Variants in DNAH6 observed in about 807,000 individuals in gnomAD.
DNAH6 encodes axonemal beta dynein heavy chain 6.
Under a neutral mutation model 491.4 loss-of-function variants are expected in DNAH6, and 340 were observed. The observed-to-expected ratio is 0.69, with a 90% CI of 0.63 to 0.76. The LOEUF (loss-of-function observed/expected upper bound fraction) is 0.76, where lower values mean the gene tolerates loss of function less well. DNAH6 is among the 30% of genes least tolerant of loss of function. The pLI, the probability that DNAH6 is intolerant of heterozygous loss-of-function variation, is 0.00. For missense variants in DNAH6, 4,443 were observed against 4,972.2 expected (o/e 0.89, Z 3.20); for synonymous variants, 1,603 against 1,686.1 (o/e 0.95, Z 1.21).
intron 61 of DNAH6, 119 bp downstream of exon 61, chr2:84,728,021 T>G: frequency 1.5e-6 from 1 of 670,780 alleles, no homozygotes. Flanking sequence ...TGGTGGGAGA[T>G]TACTGAATCA....
At chr2:84,669,086 A>G (rs1210783668) in intron 37 of DNAH6, among the ~76,000 whole-genome samples, 1 of 152,198 alleles carries the variant, frequency 6.6e-6, no homozygotes, top group Non-Finnish European at 1.5e-5. Context: ...TCGGTATAAC[A>G]GATATTTCCA....
intron 41 of DNAH6, among the ~76,000 whole-genome samples, chr2:84,677,622 C>T (rs1693375390): frequency 6.6e-6 from 1 of 152,172 alleles, no homozygotes; most frequent in African/African-American, 2.4e-5. Context: ...ATCTTTTGTC[C>T]ATCTGTACTC....
intron 35 of DNAH6, among the ~76,000 whole-genome samples, chr2:84,656,210 G>A (rs1380272281): frequency 3.9e-5 from 6 of 152,090 alleles, no homozygotes; most frequent in Non-Finnish European, 5.9e-5. Context: ...ACCTACTGAA[G>A]GACATCTTGG....
the DNAH6 span, among the ~76,000 whole-genome samples, chr2:84,491,097 T>C: frequency 6.6e-6 from 1 of 152,206 alleles, no homozygotes; most frequent in Non-Finnish European, 1.5e-5. Context: ...GGTTTTGAGG[T>C]AAACATATAT....
chr2:84,805,518 AATTGT>A, intron 70 of DNAH6, 142 bp from the exon 71 acceptor site: 1 of 663,820 alleles, frequency 1.5e-6, no homozygotes, highest in Non-Finnish European at 2.3e-6. Context: ...ATCTCATGTT[AATTGT>A]TCTTACCACA....
intron 64 of DNAH6, among the ~76,000 whole-genome samples, chr2:84,768,984 G>A (rs1162768074): frequency 6.6e-6 from 1 of 152,252 alleles, no homozygotes; most frequent in Non-Finnish European, 1.5e-5. Context: ...GGGCCAGTGT[G>A]ACTCAGTGAG....
chr2:84,622,099 C>T (rs1426850020), intron 26 of DNAH6, among the ~76,000 whole-genome samples: 1 of 152,152 alleles, frequency 6.6e-6, no homozygotes, highest in Non-Finnish European at 1.5e-5. Flanking sequence ...ACAGCAACTC[C>T]ACATTTCCTC....
chr2:84,521,043 A>T (rs957072636), intron 2 of DNAH6, among the ~76,000 whole-genome samples: 6 of 151,940 alleles, frequency 3.9e-5, no homozygotes, highest in African/African-American at 1.4e-4. Flanking sequence ...TATTTGTCAT[A>T]TTACAAATAA....
At chr2:84,666,886 G>T (rs1168670258) in intron 37 of DNAH6, among the ~76,000 whole-genome samples, 1 of 152,050 alleles carries the variant, frequency 6.6e-6, no homozygotes, top group Non-Finnish European at 1.5e-5. Context: ...GCATGATACT[G>T]GTACCAAAAC....
At chr2:84,688,708 T>C in intron 45 of DNAH6, 115 bp downstream of exon 45, 1 of 765,074 alleles carries the variant, frequency 1.3e-6, no homozygotes, top group Non-Finnish European at 2.0e-6. Flanking sequence ...CAGAGGTCTT[T>C]TATTAACTCT....
intron 42 of DNAH6, among the ~76,000 whole-genome samples, chr2:84,684,664 G>T (rs957160767): frequency 2.0e-5 from 3 of 152,236 alleles, no homozygotes; most frequent in African/African-American, 7.2e-5. Context: ...TGCTGTGTGT[G>T]CCCACATGCA....
chr2:84,467,310 TTTC>T, the DNAH6 span, among the ~76,000 whole-genome samples: 2 of 152,236 alleles, frequency 1.3e-5, no homozygotes, highest in Non-Finnish European at 2.9e-5. Context: ...ACATTTTACT[TTTC>T]TTACACATCT....
At chr2:84,674,826 T>C (rs1428089704) in intron 40 of DNAH6, among the ~76,000 whole-genome samples, 1 of 152,128 alleles carries the variant, frequency 6.6e-6, no homozygotes, top group Non-Finnish European at 1.5e-5. Flanking sequence ...GGCTCCTCTC[T>C]GCCAAACAAA....
At chr2:84,519,704 T>C (rs1425007870) in intron 2 of DNAH6, among the ~76,000 whole-genome samples, 1 of 151,282 alleles carries the variant, frequency 6.6e-6, no homozygotes, top group Non-Finnish European at 1.5e-5. Context: ...CCTACTCTCT[T>C]TCTTTTCTAC....
chr2:84,472,371 T>C, the DNAH6 span, among the ~76,000 whole-genome samples: 1 of 152,202 alleles, frequency 6.6e-6, no homozygotes, highest in Non-Finnish European at 1.5e-5. Context: ...TTTGATTTTT[T>C]TTCTGGGATT....
intron 10 of DNAH6, among the ~76,000 whole-genome samples, chr2:84,553,365 TTTTCTTTCTTTCTTTC>T (rs869077601): frequency 1.9e-3 from 37 of 19,772 alleles, no homozygotes; most frequent in East Asian, 0.013. Context: ...TTTTCTTTTC[TTTTCTTTCTTTCTTTC>T]TTTCTTTCTT....
chr2:84,768,007 A>C (rs1311108658), intron 64 of DNAH6, among the ~76,000 whole-genome samples: 1 of 152,138 alleles, frequency 6.6e-6, no homozygotes, highest in Admixed American at 6.6e-5. Context: ...AATTACTGTC[A>C]AAACTTCTCT....
the DNAH6 span, among the ~76,000 whole-genome samples, chr2:84,476,041 G>A: frequency 5.9e-5 from 9 of 152,194 alleles, no homozygotes; most frequent in Admixed American, 4.6e-4. Flanking sequence ...CTGAGTTTGA[G>A]CTTCGTCAGC....
At chr2:84,631,683 G>A (rs189372028) in intron 29 of DNAH6, among the ~76,000 whole-genome samples, 1 of 152,160 alleles carries the variant, frequency 6.6e-6, no homozygotes, top group East Asian at 1.9e-4. Flanking sequence ...AAGGGTTGCC[G>A]GCAACCACTA....
Sources: allele counts gnomAD v4.1 joint callset (sites outside exome capture counted in the v4.1 genomes callset), GRCh38; gene constraint gnomAD v4.1.1; transcripts MANE v1.5; gene names NCBI Gene and HGNC (gene_info 2026-07-23, HGNC 2026-07-21).